Variants in RANBP2 observed in about 807,000 individuals in gnomAD.
RANBP2 encodes the protein RAN binding protein 2, also known as E3 SUMO-protein ligase RanBP2.
RANBP2 carries 57 observed loss-of-function variants against 303.6 expected under a neutral mutation model. The ratio of observed to expected loss-of-function variants is 0.19; its 90% CI spans 0.15 to 0.23. RANBP2 has a LOEUF of 0.23. RANBP2 is among the 10% of genes least tolerant of loss of function. RANBP2 has a pLI of 1.00. For missense variants in RANBP2, 3,138 were observed against 3,780.8 expected (o/e 0.83, Z 4.46); for synonymous variants, 1,167 against 1,301.5 (o/e 0.90, Z 2.23).
chr2:109,031,925 C>G, the RANBP2 span, among the ~76,000 whole-genome samples: 1 of 139,570 alleles, frequency 7.2e-6, no homozygotes, highest in African/African-American at 2.6e-5. Context: ...CCCCCCACAT[C>G]CGTTCACTCT....
At chr2:108,958,299 C>G in the RANBP2 span, among the ~76,000 whole-genome samples, 3 of 152,180 alleles carry the variant, frequency 2.0e-5, no homozygotes, top group African/African-American at 7.2e-5. Flanking sequence ...CAACCGCAGA[C>G]TGGCTGCTTG....
the RANBP2 span, among the ~76,000 whole-genome samples, chr2:108,860,616 G>A: frequency 6.6e-6 from 1 of 151,468 alleles, no homozygotes; most frequent in African/African-American, 2.4e-5. Context: ...ACTGATTTGC[G>A]TATATTGAAT....
the RANBP2 span, among the ~76,000 whole-genome samples, chr2:109,243,881 A>G: frequency 6.6e-6 from 1 of 152,158 alleles, no homozygotes; most frequent in Admixed American, 6.5e-5. Context: ...GAGTGAGTAA[A>G]TAGATGAGTG....
the RANBP2 span, among the ~76,000 whole-genome samples, chr2:109,280,074 G>C: frequency 2.0e-5 from 3 of 151,974 alleles, no homozygotes; most frequent in Non-Finnish European, 4.4e-5. Context: ...TATTTTTTTC[G>C]ATCCCAGAGA....
chr2:109,612,106 A>G, the RANBP2 span, among the ~76,000 whole-genome samples: 3 of 152,202 alleles, frequency 2.0e-5, no homozygotes, highest in East Asian at 3.8e-4. Flanking sequence ...ACTGTGGCAC[A>G]ATCATACCAT....
chr2:109,414,024 C>T, the RANBP2 span, among the ~76,000 whole-genome samples: 7,720 of 152,314 alleles, frequency 0.051, 366 homozygotes, highest in African/African-American at 0.12. Flanking sequence ...GCATGCAGCT[C>T]AATGGACAAT....
chr2:109,254,726 A>G, the RANBP2 span, among the ~76,000 whole-genome samples: 2 of 152,160 alleles, frequency 1.3e-5, no homozygotes, highest in Non-Finnish European at 2.9e-5. Flanking sequence ...AGCCGCTCCC[A>G]TGAGAGGAGC....
chr2:108,751,625 C>T lies in RANBP2; in HGVS notation c.1553C>T (p.Pro518Leu). ...TATCAGCCGTTATGCCTGCCCCTTC[C>T]TGTGTGTAAACAGCTTTGTACAGAA... ...SSYQPLCLPL[P>L]VCKQLCTERQ... Residue 518 changes from proline to leucine, a missense_variant, in exon 11 of 29, where the codon CCT becomes CTT. Around this residue, in one of 20 missense-constraint regions of RANBP2, gnomAD observed 162 missense variants for 286.9 expected, o/e 0.56. Coordinates refer to ENST00000283195, the MANE Select transcript of RANBP2 (RefSeq NM_006267.5). 1 of 1,611,004 alleles carries T rather than the reference C, an allele frequency of 6.2e-7. No individual in the cohort carries two copies. The highest frequency in any genetic ancestry group is 8.5e-7 in the Non-Finnish European group (1 of 1,179,240).
chr2:109,019,628 T>C, the RANBP2 span, among the ~76,000 whole-genome samples: 1 of 152,196 alleles, frequency 6.6e-6, no homozygotes, highest in Non-Finnish European at 1.5e-5. Flanking sequence ...TAGTTCAGTT[T>C]GGAGAGCAAT....
chr2:109,270,760 C>T, the RANBP2 span, among the ~76,000 whole-genome samples: 2 of 152,216 alleles, frequency 1.3e-5, no homozygotes, highest in Non-Finnish European at 2.9e-5. Context: ...TGACCTTTCT[C>T]TAGCTGGGGA....
At chr2:109,404,584 CTCCCAGAGGCTGCCACGGGCACA>C in the RANBP2 span, among the ~76,000 whole-genome samples, 1 of 152,122 alleles carries the variant, frequency 6.6e-6, no homozygotes, top group East Asian at 1.9e-4. Context: ...CACTGGGCAC[CTCCCAGAGGCTGCCACGGGCACA>C]CAGGGCCTGG....
chr2:109,035,003 G>A, the RANBP2 span, among the ~76,000 whole-genome samples: 1 of 152,178 alleles, frequency 6.6e-6, no homozygotes, highest in African/African-American at 2.4e-5. Flanking sequence ...CTTGGTGGGG[G>A]CCATTAGCCA....
chr2:109,453,984 C>T, the RANBP2 span, among the ~76,000 whole-genome samples: 1 of 152,204 alleles, frequency 6.6e-6, no homozygotes, highest in Admixed American at 6.5e-5. Context: ...CTCAGCACTG[C>T]AAAATCTGCA....
At chr2:108,958,067 T>G in the RANBP2 span, among the ~76,000 whole-genome samples, 4 of 152,074 alleles carry the variant, frequency 2.6e-5, no homozygotes, top group African/African-American at 9.7e-5. Flanking sequence ...CAAATTACCA[T>G]GCCCGTGAGC....
chr2:108,921,825 G>T, the RANBP2 span, among the ~76,000 whole-genome samples: 7 of 152,236 alleles, frequency 4.6e-5, no homozygotes, highest in African/African-American at 1.7e-4. Context: ...GCAAGCCGAG[G>T]TCTGGGGCCT....
Position 108,731,234 on chromosome 2 carries a change from T to C in RANBP2, c.253-88T>C, listed in dbSNP as rs1472160349. On this transcript the variant is annotated intron_variant, in intron 3 of 28. Coordinates refer to ENST00000283195, the MANE Select transcript of RANBP2 (RefSeq NM_006267.5). ...AATTTTTTAAGGGTTGGAGTGATAA[T>C]TTTTTAACCTTTATATATAAGTATA... The C allele has an allele frequency of 3.9e-6, 6 of 1,520,574 alleles. No homozygotes were observed. The Admixed American group carries it at 8.7e-5, about 22-fold the overall frequency. 94.2% of individuals were successfully genotyped at this position (1,520,574 alleles called of 1,614,324 possible).
At chr2:109,335,403 C>G in the RANBP2 span, among the ~76,000 whole-genome samples, 1 of 152,206 alleles carries the variant, frequency 6.6e-6, no homozygotes, top group East Asian at 1.9e-4. Flanking sequence ...TCCACAGCCC[C>G]TACCCTGGGA....
At chr2:108,732,835 T>C (rs1429076461) in intron 4 of RANBP2, among the ~76,000 whole-genome samples, 2 of 152,222 alleles carry the variant, frequency 1.3e-5, no homozygotes, top group Non-Finnish European at 2.9e-5. Flanking sequence ...CTTTTTTCAT[T>C]TTTTTTGAGA....
the RANBP2 span, among the ~76,000 whole-genome samples, chr2:109,102,877 GA>G: frequency 6.6e-6 from 1 of 152,174 alleles, no homozygotes; most frequent in Non-Finnish European, 1.5e-5. Flanking sequence ...ATTATTTAAT[GA>G]ATTGCTTTGT....
Sources: gnomAD v4.1 joint callset for allele counts (sites outside exome capture counted in the v4.1 genomes callset) on GRCh38, gnomAD v4.1.1 for gene constraint, gnomAD v4.1.1 regional missense constraint, MANE v1.5 for transcripts, NCBI Gene and HGNC (gene_info 2026-07-23, HGNC 2026-07-21) for gene names.